The following COPS4 variants were observed in gnomAD, a reference collection of about 807,000 sequenced individuals.
COPS4 encodes COP9 signalosome subunit 4.
COPS4 carries 8 observed loss-of-function variants against 55.1 expected under a neutral mutation model. The ratio of observed to expected loss-of-function variants is 0.15; its 90% CI spans 0.09 to 0.26. The LOEUF (loss-of-function observed/expected upper bound fraction) is 0.26, where lower values mean the gene tolerates loss of function less well. COPS4 is among the 10% of genes least tolerant of loss of function. The pLI is 1.00. For synonymous variants in COPS4, 185 were observed against 165.7 expected (o/e 1.12, Z -0.90); for missense variants, 248 against 484.0 (o/e 0.51, Z 4.58).
intron 9 of COPS4, among the ~76,000 whole-genome samples, chr4:83,072,677 T>G (rs1417446141): frequency 6.6e-6 from 1 of 152,218 alleles, no homozygotes; most frequent in Non-Finnish European, 1.5e-5. Context: ...TAGCCAATTA[T>G]CCAAGTATCA....
intron 1 of COPS4, 102 bp downstream of exon 1, chr4:83,035,400 C>T (rs1730392496): frequency 8.0e-6 from 8 of 1,002,076 alleles, no homozygotes; most frequent in African/African-American, 1.6e-5. Flanking sequence ...AAGCTAGGAG[C>T]CGGCCTGACG....
intron 4 of COPS4, among the ~76,000 whole-genome samples, chr4:83,056,309 A>G (rs1290502148): frequency 6.6e-6 from 1 of 152,148 alleles, no homozygotes; most frequent in Admixed American, 6.6e-5. Flanking sequence ...GGATGGTTGG[A>G]GAGCATATTT....
chr4:83,051,170 G>A (rs990858426), intron 4 of COPS4, among the ~76,000 whole-genome samples: 17 of 15,822 alleles, frequency 1.1e-3, no homozygotes, highest in South Asian at 5.9e-3. Context: ...AGGCTGAGGC[G>A]GGAGGATCGC....
chr4:83,059,953 C>T (rs1284389184), intron 6 of COPS4, among the ~76,000 whole-genome samples: 1 of 151,882 alleles, frequency 6.6e-6, no homozygotes, highest in African/African-American at 2.4e-5. Flanking sequence ...CGCCCTCCTC[C>T]GCCTTCCAAA....
At chr4:83,062,584 A>G (rs1731186971) in intron 6 of COPS4, among the ~76,000 whole-genome samples, 1 of 150,858 alleles carries the variant, frequency 6.6e-6, no homozygotes, top group Non-Finnish European at 1.5e-5. Flanking sequence ...TCTGTTTAAG[A>G]TCATGTTTTT....
In COPS4 at chr4:83,049,168, G is replaced by A; in HGVS notation, c.157G>A (p.Val53Ile). The A allele has an allele frequency of 6.3e-7, 1 of 1,589,506 alleles. No homozygotes were observed. Among genetic ancestry groups the A allele is most frequent in the South Asian group, 1.2e-5 (1 of 85,396 alleles). The change falls in exon 3 of 10, where the codon GTA becomes ATA. Residue 53 changes from valine to isoleucine, a missense_variant and splice_region_variant. Val to Ile is a conservative substitution (Grantham distance 29). Around this residue, in one of 4 missense-constraint regions of COPS4, gnomAD observed 55 missense variants for 62.8 expected, o/e 0.88. Transcript: ENST00000264389. ...EALKAFVEAM[V>I]NENVSLVISR... ...TCTTTTTTTTTTTTTTAAACAAGTG[G>A]TAAATGAGAATGTCAGTCTCGTGAT...
At chr4:83,045,572 G>C (rs1173290658) in intron 1 of COPS4, 54 bp from the exon 2 acceptor site, 1 of 1,350,252 alleles carries the variant, frequency 7.4e-7, no homozygotes, top group African/African-American at 1.4e-5. Context: ...ATCAAAGTTT[G>C]CATTAGAAAA....
chr4:83,057,231 CT>C, intron 5 of COPS4, 26 bp from the exon 6 acceptor site: 2 of 1,561,738 alleles, frequency 1.3e-6, no homozygotes, highest in Non-Finnish European at 1.7e-6. Context: ...AATTTGTCCC[CT>C]AATTGAAATA....
At chr4:83,055,375 A>G (rs1179638496) in intron 4 of COPS4, among the ~76,000 whole-genome samples, 2 of 152,060 alleles carry the variant, frequency 1.3e-5, no homozygotes, top group Non-Finnish European at 2.9e-5. Flanking sequence ...AGTGTTTTAC[A>G]TACTGTTTTA....
intron 1 of COPS4, among the ~76,000 whole-genome samples, chr4:83,045,311 A>G (rs982171434): frequency 1.3e-5 from 2 of 152,254 alleles, no homozygotes; most frequent in African/African-American, 4.8e-5. Flanking sequence ...AAAACCTTCA[A>G]GAAAAAGTGA....
chr4:83,051,968 T>A (rs1730900089), intron 4 of COPS4, among the ~76,000 whole-genome samples: 1 of 152,142 alleles, frequency 6.6e-6, no homozygotes, highest in African/African-American at 2.4e-5. Flanking sequence ...GGAAAATGTA[T>A]CAAGGGCCAG....
chr4:83,059,030 G>T (rs1731092960), intron 6 of COPS4, among the ~76,000 whole-genome samples: 1 of 151,914 alleles, frequency 6.6e-6, no homozygotes, highest in Non-Finnish European at 1.5e-5. Flanking sequence ...ATTGATGAAT[G>T]CTCTTGAGCA....
chr4:83,064,900 T>TTTA (rs1731257095), intron 7 of COPS4, among the ~76,000 whole-genome samples: 1 of 103,780 alleles, frequency 9.6e-6, no homozygotes, highest in Non-Finnish European at 2.1e-5. Context: ...TTTTTTTTTT[T>TTTA]ACTTTTTGAG....
chr4:83,038,940 G>A (rs1048485248), intron 1 of COPS4, among the ~76,000 whole-genome samples: 1 of 152,122 alleles, frequency 6.6e-6, no homozygotes, highest in Non-Finnish European at 1.5e-5. Context: ...ACCGCGCCTG[G>A]CCAGCACTTA....
At position 83,049,932 on chromosome 4, in the gene COPS4, T is replaced by G; in HGVS notation, c.358T>G (p.Trp120Gly). ...ATCTATATATGAGAAAGAAGAAGAT[T>G]GGAGAAATGCAGCCCAAGTGTTGGT... Reference protein sequence around the residue: ...LASIYEKEEDWRNAAQVLVGI... With the variant: ...LASIYEKEEDGRNAAQVLVGI... The change falls in exon 4 of 10, where the codon TGG becomes GGG. Residue 120 changes from tryptophan (W) to glycine (G), a missense_variant. Physicochemically the swap from Trp to Gly is radical, Grantham distance 184 (BLOSUM62 -2). Transcript: ENST00000264389. The G allele has an allele frequency of 6.2e-7, 1 of 1,611,852 alleles. No homozygotes were observed. The highest frequency in any genetic ancestry group is 8.5e-7 in the Non-Finnish European group (1 of 1,179,110).
chr4:83,043,083 T>C (rs897768778), intron 1 of COPS4, among the ~76,000 whole-genome samples: 1 of 152,198 alleles, frequency 6.6e-6, no homozygotes, highest in African/African-American at 2.4e-5. Flanking sequence ...TGGGAGTTTA[T>C]GTACACAATT....
chr4:83,048,711 G>A (rs1348347684), intron 2 of COPS4, among the ~76,000 whole-genome samples: 4 of 151,848 alleles, frequency 2.6e-5, no homozygotes, highest in African/African-American at 2.4e-5. Context: ...CTGTGATCTC[G>A]GCTCACTGCA....
Position 83,057,249 on chromosome 4 carries a change from C to G in COPS4, c.565-9C>G. On this transcript the variant is annotated splice_polypyrimidine_tract_variant and intron_variant, in intron 5 of 9. Coordinates refer to ENST00000264389, the MANE Select transcript of COPS4 (RefSeq NM_016129.3). The stretch of plus-strand genomic sequence containing the variant: ...TTGTCCCCTAATTGAAATATTTTCC[C>G]TCTGTTAGGTATGCTATGCACGTGT... 1.3e-6 allele frequency: 2 copies of G among 1,573,240 alleles called. No homozygotes were observed. The highest frequency in any genetic ancestry group is 1.7e-6 in the Non-Finnish European group (2 of 1,160,518).
At chr4:83,051,058 C>T (rs148662273) in intron 4 of COPS4, among the ~76,000 whole-genome samples, 32 of 145,022 alleles carry the variant, frequency 2.2e-4, no homozygotes, top group African/African-American at 7.5e-4. Flanking sequence ...CCCAGGAGTT[C>T]GAGAACCACT....
Sources: allele counts gnomAD v4.1 joint callset (sites outside exome capture counted in the v4.1 genomes callset), GRCh38; gene constraint gnomAD v4.1.1; regional missense constraint gnomAD v4.1.1; transcripts MANE v1.5; gene names NCBI Gene and HGNC (gene_info 2026-07-23, HGNC 2026-07-21).